The following COPB1 variants were observed in gnomAD, a reference collection of about 807,000 sequenced individuals.
COPB1 encodes coat protein complex I subunit beta 1.
COPB1 carries 21 observed loss-of-function variants against 108.7 expected under a neutral mutation model. The observed-to-expected ratio is 0.19, with a 90% CI of 0.14 to 0.28. COPB1 has a LOEUF of 0.28. COPB1 is among the 10% of genes least tolerant of loss of function. The pLI is 1.00. For synonymous variants in COPB1, 378 were observed against 386.8 expected (o/e 0.98, Z 0.27); for missense variants, 919 against 1,141.3 (o/e 0.81, Z 2.81).
chr11:14,468,704 G>C lies in COPB1; in HGVS notation c.2122C>G (p.Pro708Ala). 2 of 1,614,016 alleles carry C rather than the reference G, an allele frequency of 1.2e-6. No individual in the cohort carries two copies. Among genetic ancestry groups the C allele is most frequent in the Non-Finnish European group, 1.7e-6 (2 of 1,179,972 alleles). ...GNTQRKEAAD[P>A]LASKLNKVTQ... ...ACCTTGTTAAGTTTAGATGCTAGGG[G>C]ATCTGCTGCCTCTTTCCTCTGTGTG... Residue 708 changes from proline (P) to alanine (A), a missense_variant, in exon 16 of 22, where the codon CCC (proline) becomes GCC (alanine). This residue lies in a region of COPB1 where 705 missense variants were observed against 817.8 expected (regional missense o/e 0.86). Transcript: ENST00000439561.
At chr11:14,463,110 C>T (rs564071491) in intron 18 of COPB1, among the ~76,000 whole-genome samples, 1 of 152,288 alleles carries the variant, frequency 6.6e-6, no homozygotes, top group South Asian at 2.1e-4. Flanking sequence ...TGTGGAGCTT[C>T]AAATACTTTC....
intron 12 of COPB1, among the ~76,000 whole-genome samples, chr11:14,476,569 C>T (rs1047534231): frequency 5.9e-5 from 9 of 152,196 alleles, no homozygotes; most frequent in Non-Finnish European, 8.8e-5. Context: ...AGCTAACTGT[C>T]GACACAACAA....
At chr11:14,499,082 G>C in intron 1 of COPB1, 97 bp from the exon 2 acceptor site, 1 of 597,170 alleles carries the variant, frequency 1.7e-6, no homozygotes, top group African/African-American at 1.9e-5. Flanking sequence ...GAAAGGGCAG[G>C]TCAATCTATA....
intron 4 of COPB1, 73 bp downstream of exon 4, chr11:14,493,569 C>A (rs1850956665): frequency 2.3e-6 from 3 of 1,308,970 alleles, no homozygotes; most frequent in South Asian, 1.9e-5. Context: ...CTGCAAGCAA[C>A]CACTTTGGAA....
chr11:14,461,347 C>T lies in COPB1; in HGVS notation c.2411-16G>A, dbSNP rs1469690418. On this transcript the variant is annotated splice_polypyrimidine_tract_variant and intron_variant, in intron 18 of 21. Transcript: ENST00000439561. ...ACATCATAAACTGCAATTACATATA[C>T]AAAAAGATTCGCAATCACTGGGGCA... 7 of 1,605,548 alleles carry T rather than the reference C, an allele frequency of 4.4e-6. No homozygotes were observed. In the Admixed American group the frequency reaches 6.8e-5, roughly 16 times the overall value.
chr11:14,486,442 C>G lies in COPB1; in HGVS notation c.762G>C (p.Gln254His). 2 of 1,614,064 alleles carry G rather than the reference C, an allele frequency of 1.2e-6. No homozygotes were observed. The highest frequency in any genetic ancestry group is 1.7e-6 in the Non-Finnish European group (2 of 1,180,016). ...RFIRCIYNLL[Q>H]SSSPAVKYEA... ...CATATTTTACAGCAGGGCTGGATGA[C>G]TGTAATAAGTTATAGATGCAGCGAA... The change falls in exon 7 of 22, where the codon CAG (glutamine) becomes CAC (histidine). Residue 254 changes from glutamine to histidine, a missense_variant. Gln to His is a conservative substitution (Grantham distance 24). This residue lies in a region of COPB1 where 22 missense variants were observed against 61.0 expected (regional missense o/e 0.36). Transcript: ENST00000439561.
chr11:14,469,992 G>GT (rs1850366349), intron 14 of COPB1, among the ~76,000 whole-genome samples: 1 of 152,086 alleles, frequency 6.6e-6, no homozygotes, highest in African/African-American at 2.4e-5. Context: ...CCTCATAAAT[G>GT]CTTCAGCATT....
chr11:14,460,429 A>T (rs1850119742), intron 19 of COPB1, 132 bp from the exon 20 acceptor site: 2 of 586,664 alleles, frequency 3.4e-6, no homozygotes, highest in Non-Finnish European at 6.0e-6. Context: ...GAAACTAAAT[A>T]ACATCTATAA....
At position 14,468,793 on chromosome 11, in the gene COPB1, G is replaced by A. The variant is rs750728860; in HGVS notation, c.2033C>T (p.Ala678Val). The A allele has an allele frequency of 2.5e-6, 4 of 1,613,720 alleles. No homozygotes were observed. The highest frequency in any genetic ancestry group is 1.3e-5 in the African/African-American group (1 of 74,880). ...DDPISFMQLT[A>V]KNEMNCKEDQ... ...TTCCTTGCAGTTCATTTCATTCTTA[G>A]CAGTTAGTTGCATGAAGGAAATGGG... The change falls in exon 16 of 22, where the codon GCT becomes GTT. Residue 678 changes from alanine (A) to valine (V), a missense_variant. Ala to Val is a moderately conservative substitution (Grantham distance 64). Around this residue, in one of 5 missense-constraint regions of COPB1, gnomAD observed 705 missense variants for 817.8 expected, o/e 0.86. Transcript: ENST00000439561.
At chr11:14,489,696 T>G (rs1011148957) in intron 5 of COPB1, among the ~76,000 whole-genome samples, 10 of 152,134 alleles carry the variant, frequency 6.6e-5, no homozygotes, top group African/African-American at 2.4e-4. Flanking sequence ...GCAAGTAGAA[T>G]GGTGGCTGCC....
chr11:14,460,482 G>C (rs1850120919), intron 19 of COPB1, among the ~76,000 whole-genome samples, 185 bp from the exon 20 acceptor site: 1 of 151,728 alleles, frequency 6.6e-6, no homozygotes, highest in African/African-American at 2.4e-5. Context: ...TCCCAATAGA[G>C]ATAACTTCAC....
chr11:14,490,775 T>C, intron 4 of COPB1, 96 bp from the exon 5 acceptor site: 1 of 672,382 alleles, frequency 1.5e-6, no homozygotes, highest in Non-Finnish European at 2.5e-6. Flanking sequence ...TTAATCAAAC[T>C]TTACAACATA....
intron 13 of COPB1, among the ~76,000 whole-genome samples, chr11:14,474,925 G>A (rs1296565656): frequency 4.0e-5 from 6 of 151,636 alleles, no homozygotes; most frequent in Non-Finnish European, 2.9e-5. Context: ...GTGAAACCCC[G>A]TCTCTACTAA....
intron 4 of COPB1, among the ~76,000 whole-genome samples, chr11:14,493,030 C>G (rs377233783): frequency 1.3e-5 from 2 of 152,222 alleles, no homozygotes; most frequent in East Asian, 1.9e-4. Context: ...CCTGTAATCC[C>G]AGCTACTTGG....
Position 14,458,536 on chromosome 11 carries a change from C to T in COPB1, c.2798G>A (p.Ser933Asn), listed in dbSNP as rs1251865881. ...VTGHIRIRAKSQGMALSLGDK... is the reference protein window; with the variant it reads ...VTGHIRIRAKNQGMALSLGDK... ...CAAAAAAAAAGGAACTGTTACCTGGCTCTTTGCACGAATTCTTATATGGCC... is the reference window on the plus strand; with the variant it reads ...CAAAAAAAAAGGAACTGTTACCTGGTTCTTTGCACGAATTCTTATATGGCC... The change falls in exon 21 of 22, where the codon AGC (serine) becomes AAC (asparagine). Residue 933 changes from serine (S) to asparagine (N), a missense_variant. This residue lies in a region of COPB1 where 705 missense variants were observed against 817.8 expected (regional missense o/e 0.86). Coordinates refer to ENST00000439561, the MANE Select transcript of COPB1 (RefSeq NM_001144061.2). 3 of 1,608,146 alleles carry T rather than the reference C, an allele frequency of 1.9e-6. No homozygotes were observed. The highest frequency in any genetic ancestry group is 2.7e-5 in the African/African-American group (2 of 74,612).
chr11:14,483,196 AT>A (rs1392596757), intron 7 of COPB1, 45 bp from the exon 8 acceptor site: 1 of 1,440,204 alleles, frequency 6.9e-7, no homozygotes, highest in South Asian at 1.3e-5. Context: ...TTCATCTATC[AT>A]AAAATTTGAA....
In COPB1 at chr11:14,475,987, C is replaced by G. The variant is rs2134108213; in HGVS notation, c.1456-42G>C. On this transcript the variant is annotated intron_variant, in intron 12 of 21. Coordinates refer to ENST00000439561, the MANE Select transcript of COPB1 (RefSeq NM_001144061.2). Reference sequence around the variant, plus strand: ...AACATCATTTTAGTAATAGTATCAACAGCAAGCAAAATTATCTTTAAATAT... The same window carrying G: ...AACATCATTTTAGTAATAGTATCAAGAGCAAGCAAAATTATCTTTAAATAT... 3.4e-6 allele frequency: 5 copies of G among 1,473,600 alleles called. No individual in the cohort carries two copies. The South Asian group carries it at 5.4e-5, about 16-fold the overall frequency. The allele number at this position is 1,473,600 out of a possible 1,614,324, so 91.3% of individuals were successfully genotyped here.
intron 14 of COPB1, among the ~76,000 whole-genome samples, chr11:14,470,996 C>T (rs911730096): frequency 1.3e-5 from 2 of 149,140 alleles, no homozygotes; most frequent in African/African-American, 5.0e-5. Flanking sequence ...GACTTCTCAC[C>T]AAAAAGCCAG....
intron 11 of COPB1, among the ~76,000 whole-genome samples, chr11:14,479,140 T>C (rs2085922752): frequency 6.6e-6 from 1 of 152,218 alleles, no homozygotes; most frequent in Non-Finnish European, 1.5e-5. Flanking sequence ...ATCCATCAGA[T>C]GCTTTAAATG....
Sources: gnomAD v4.1 joint callset for allele counts (sites outside exome capture counted in the v4.1 genomes callset) on GRCh38, gnomAD v4.1.1 for gene constraint, gnomAD v4.1.1 regional missense constraint, MANE v1.5 for transcripts, NCBI Gene and HGNC (gene_info 2026-07-23, HGNC 2026-07-21) for gene names.